Variants in MAP2K5 observed in about 807,000 individuals in gnomAD.
The protein encoded by MAP2K5 is mitogen-activated protein kinase kinase 5, also known as dual specificity mitogen-activated protein kinase kinase 5.
In MAP2K5, 49 loss-of-function variants were observed where a neutral mutation model predicts 83.1. The observed-to-expected ratio is 0.59, with a 90% CI of 0.47 to 0.75. The LOEUF is 0.75. Among genes scored for constraint, MAP2K5 ranks in the 30% least tolerant of loss-of-function variants. The pLI is 0.00. For missense variants in MAP2K5, 457 were observed against 557.5 expected, an observed-to-expected ratio of 0.82 and a Z score of 1.82; for synonymous variants, 202 against 191.8, an observed-to-expected ratio of 1.05 and a Z score of -0.44.
At chr15:67,711,671 G>GCACACACACACA (rs72106715) in intron 16 of MAP2K5, among the ~76,000 whole-genome samples, 3 of 150,884 alleles carry the variant, frequency 2.0e-5, no homozygotes, top group African/African-American at 7.3e-5. Flanking sequence ...AGGCGTGCAC[G>GCACACACACACA]CACACACACA....
chr15:67,743,558 A>G (rs1026118913), intron 17 of MAP2K5, among the ~76,000 whole-genome samples: 6 of 152,218 alleles, frequency 3.9e-5, no homozygotes, highest in Non-Finnish European at 8.8e-5. Context: ...TCCTTTATTT[A>G]AAAGTGATTT....
intron 1 of MAP2K5, among the ~76,000 whole-genome samples, chr15:67,544,664 CAG>C (rs2084357746): frequency 6.6e-6 from 1 of 152,202 alleles, no homozygotes; most frequent in South Asian, 2.1e-4. Flanking sequence ...GCATGGAAGA[CAG>C]AAGCGGACAT....
In MAP2K5 at chr15:67,664,608, C is replaced by T; in HGVS notation, c.810C>T (p.Gly270=). 1 of 1,588,468 alleles carries T rather than the reference C, an allele frequency of 6.3e-7. No individual in the cohort carries two copies. The highest frequency in any genetic ancestry group is 8.6e-7 in the Non-Finnish European group (1 of 1,157,486). ...LGRIAVAVVK[G]LTYLWSLKIL... ...TTTCCTAAATTTAGGTTGTTAAAGG[C>T]CTTACTTATTTGTGGAGTTTAAAGA... The change falls in exon 13 of 22, where the codon GGC becomes GGT. Residue 270 remains glycine (G), a synonymous_variant. Coordinates refer to ENST00000178640, the MANE Select transcript of MAP2K5 (RefSeq NM_145160.3).
chr15:67,639,563 G>A (rs541000823), intron 9 of MAP2K5, among the ~76,000 whole-genome samples: 1 of 152,118 alleles, frequency 6.6e-6, no homozygotes, highest in South Asian at 2.1e-4. Context: ...TGCCGGCGCT[G>A]CTCACTGCTC....
intron 8 of MAP2K5, among the ~76,000 whole-genome samples, chr15:67,612,930 TGTTA>T (rs1404316451): frequency 1.3e-5 from 2 of 152,298 alleles, no homozygotes; most frequent in East Asian, 3.9e-4. Flanking sequence ...AATTTCTGCT[TGTTA>T]GTTAAAGTAA....
chr15:67,616,480 C>A (rs192338308), intron 8 of MAP2K5, among the ~76,000 whole-genome samples: 1 of 152,080 alleles, frequency 6.6e-6, no homozygotes, highest in African/African-American at 2.4e-5. Flanking sequence ...CTCTGATGGA[C>A]GTCCTATAAA....
chr15:67,663,537 C>A (rs1324649310), intron 12 of MAP2K5, among the ~76,000 whole-genome samples: 1 of 152,128 alleles, frequency 6.6e-6, no homozygotes, highest in African/African-American at 2.4e-5. Flanking sequence ...AAAGCAGTTT[C>A]TATTCTACCC....
intron 15 of MAP2K5, among the ~76,000 whole-genome samples, chr15:67,699,233 T>C (rs2088348156): frequency 6.7e-6 from 1 of 150,220 alleles, no homozygotes; most frequent in African/African-American, 2.5e-5. Flanking sequence ...GAGAGGAAAG[T>C]AGAATGGGAG....
At chr15:67,575,636 C>T (rs770323235) in intron 3 of MAP2K5, among the ~76,000 whole-genome samples, 2 of 152,076 alleles carry the variant, frequency 1.3e-5, no homozygotes, top group East Asian at 1.9e-4. Context: ...AATAAATATA[C>T]GTTTTATGCC....
Position 67,573,917 on chromosome 15 carries a change from A to G in MAP2K5, c.253-6837A>G, listed in dbSNP as rs1242816879. Reference sequence around the variant, plus strand: ...ATGGTTTTTTGCTTTGTTATTTTACATATAAACAAACATTGTACATAAGGT... The same window carrying G: ...ATGGTTTTTTGCTTTGTTATTTTACGTATAAACAAACATTGTACATAAGGT... On this transcript the variant is annotated intron_variant, in intron 3 of 21. Coordinates refer to ENST00000178640, the MANE Select transcript of MAP2K5 (RefSeq NM_145160.3). This position sits in a 1 kb window ranked among gnomAD's most constrained non-coding sequence, Gnocchi z 4.2. Among the ~76,000 whole-genome samples the G allele has an allele frequency of 5.3e-5, 8 of 152,212 alleles. No homozygotes were observed. The highest frequency in any genetic ancestry group is 1.5e-5 in the Non-Finnish European group (1 of 68,036).
intron 8 of MAP2K5, among the ~76,000 whole-genome samples, chr15:67,627,569 C>G (rs917311300): frequency 6.6e-6 from 1 of 152,146 alleles, no homozygotes; most frequent in Admixed American, 6.5e-5. Context: ...GTTTCCTAGT[C>G]TTGCCTGAAT....
rs528628576 is a variant in MAP2K5 at position 67,689,952 on chromosome 15, C to T, written c.848-2527C>T. ...TCCACGGGCCACATGAGCCACAGGA[C>T]GGCTTTGAGTAGTGCAGCCCAGCGC... On this transcript the variant is annotated intron_variant, in intron 13 of 21. Transcript: ENST00000178640. Among the ~76,000 whole-genome samples, 15 of 152,304 alleles carry T rather than the reference C, an allele frequency of 9.8e-5. No individual in the cohort carries two copies. The South Asian group carries it at 2.7e-3, about 27-fold the overall frequency.
intron 1 of MAP2K5, chr15:67,549,078 C>CAA: frequency 1.3e-6 from 2 of 1,528,892 alleles, no homozygotes; most frequent in East Asian, 2.5e-5. Context: ...GCGGCTTTGT[C>CAA]AGCCGGCTGC....
At chr15:67,609,326 C>T (rs1000921476) in intron 8 of MAP2K5, among the ~76,000 whole-genome samples, 2 of 151,938 alleles carry the variant, frequency 1.3e-5, no homozygotes, top group Non-Finnish European at 2.9e-5. Context: ...CCAGAACTCA[C>T]ACTAGTGGGG....
chr15:67,799,824 G>C (rs146358278), intron 21 of MAP2K5, among the ~76,000 whole-genome samples: 1 of 152,208 alleles, frequency 6.6e-6, no homozygotes, highest in African/African-American at 2.4e-5. Flanking sequence ...CAGGAGAAGG[G>C]AGGCCCCCTC....
chr15:67,617,024 G>A lies in MAP2K5; in HGVS notation c.546-13864G>A, dbSNP rs560577352. ...AGTGCCCTGTGTCCTTCATAGAACA[G>A]TGGCAATACTATCATTTCAGTGTCC... is the stretch of plus-strand genomic sequence containing the variant. On this transcript the variant is annotated intron_variant, in intron 8 of 21. Transcript: ENST00000178640. 1.8e-4 allele frequency among the ~76,000 whole-genome samples: 28 copies of A among 152,326 alleles called. No homozygotes were observed. In the South Asian group the frequency reaches 1.9e-3, roughly 10 times the overall value.
intron 20 of MAP2K5, among the ~76,000 whole-genome samples, chr15:67,771,380 G>C (rs2090139131): frequency 6.6e-6 from 1 of 152,160 alleles, no homozygotes; most frequent in South Asian, 2.1e-4. Context: ...GACCAACCTG[G>C]GGGTGGGGCT....
At chr15:67,658,656 A>G (rs1175518631) in intron 12 of MAP2K5, 42 bp downstream of exon 12, 6 of 1,463,330 alleles carry the variant, frequency 4.1e-6, no homozygotes, top group African/African-American at 1.4e-5. Context: ...GAGTGATTTA[A>G]TCCTTCTAAT....
In MAP2K5 at chr15:67,790,957, A is replaced by G. The variant is rs1478932376; in HGVS notation, c.1243-15689A>G. On this transcript the variant is annotated intron_variant, in intron 21 of 21. Transcript: ENST00000178640. This position sits in a 1 kb window ranked among gnomAD's most constrained non-coding sequence, Gnocchi z 4.6. ...CAGAAGACGAGTCAGAGCTAGGGGG[A>G]ATAAGCTGTGTTGTAGAGAATGAAA... Among the ~76,000 whole-genome samples the G allele has an allele frequency of 6.6e-6, 1 of 152,080 alleles. No individual in the cohort carries two copies. Among genetic ancestry groups the G allele is most frequent in the Non-Finnish European group, 1.5e-5 (1 of 68,018 alleles).
Sources: allele counts gnomAD v4.1 joint callset (sites outside exome capture counted in the v4.1 genomes callset), GRCh38; gene constraint gnomAD v4.1.1; non-coding constraint Gnocchi (gnomAD v3.1); transcripts MANE v1.5; gene names NCBI Gene and HGNC (gene_info 2026-07-23, HGNC 2026-07-21).